The following KAT2B variants were observed in gnomAD, a reference collection of about 807,000 sequenced individuals.
KAT2B encodes histone acetyltransferase KAT2B.
A neutral mutation model predicts 105.9 loss-of-function variants in KAT2B; 36 were observed. That is an observed-to-expected ratio of 0.34 (90% CI 0.26 to 0.45). The LOEUF (loss-of-function observed/expected upper bound fraction) is 0.45, where lower values mean the gene tolerates loss of function less well. Among genes scored for constraint, KAT2B ranks in the 20% least tolerant of loss-of-function variants. KAT2B has a pLI of 1.00. For synonymous variants in KAT2B, 397 were observed against 377.9 expected (o/e 1.05, Z -0.59); for missense variants, 820 against 1,021.6 (o/e 0.80, Z 2.69).
chr3:20,102,470 T>G (rs1698927715), intron 5 of KAT2B, among the ~76,000 whole-genome samples: 1 of 152,258 alleles, frequency 6.6e-6, no homozygotes, highest in East Asian at 1.9e-4. Flanking sequence ...GTCTCTTCAC[T>G]TAATATCATA....
chr3:20,078,296 C>G (rs1485354897), intron 2 of KAT2B, among the ~76,000 whole-genome samples: 1 of 152,068 alleles, frequency 6.6e-6, no homozygotes, highest in African/African-American at 2.4e-5. Context: ...ATTTTGGAGT[C>G]CATTGTTCTG....
intron 1 of KAT2B, among the ~76,000 whole-genome samples, chr3:20,051,499 C>G (rs1439525512): frequency 2.0e-5 from 3 of 152,168 alleles, no homozygotes; most frequent in African/African-American, 7.2e-5. Flanking sequence ...CAGAACCATA[C>G]ATGTTGAGAG....
intron 8 of KAT2B, among the ~76,000 whole-genome samples, chr3:20,120,927 A>G (rs1490299093): frequency 6.6e-6 from 1 of 152,108 alleles, no homozygotes; most frequent in Non-Finnish European, 1.5e-5. Flanking sequence ...GGGAGATATC[A>G]CTAATTCATG....
chr3:20,104,882 G>GT (rs1419073499), intron 5 of KAT2B, among the ~76,000 whole-genome samples: 81 of 88,040 alleles, frequency 9.2e-4, no homozygotes, highest in Admixed American at 8.1e-4. Context: ...TTTTTTTGTT[G>GT]TTTTTTTGTT....
chr3:20,100,568 T>G (rs978540835), intron 4 of KAT2B, among the ~76,000 whole-genome samples: 3 of 152,196 alleles, frequency 2.0e-5, no homozygotes, highest in African/African-American at 7.2e-5. Flanking sequence ...CTGAATTTTT[T>G]GATGAGAATG....
intron 2 of KAT2B, among the ~76,000 whole-genome samples, chr3:20,084,106 C>T (rs1698571761): frequency 6.6e-6 from 1 of 152,180 alleles, no homozygotes; most frequent in Admixed American, 6.6e-5. Flanking sequence ...AGAGGGGCTA[C>T]ATTGGAGGGT....
chr3:20,062,254 A>AAATAT (rs1559514418), intron 1 of KAT2B, among the ~76,000 whole-genome samples: 2 of 61,410 alleles, frequency 3.3e-5, no homozygotes, highest in African/African-American at 8.3e-5. Flanking sequence ...TAATATATAA[A>AAATAT]ATATGATATA....
At chr3:20,055,064 C>A (rs1359781420) in intron 1 of KAT2B, among the ~76,000 whole-genome samples, 4 of 151,768 alleles carry the variant, frequency 2.6e-5, no homozygotes, top group Non-Finnish European at 4.4e-5. Flanking sequence ...GGGAGAGAGA[C>A]CCAGCCCAGA....
At chr3:20,113,960 T>C (rs919521134) in intron 6 of KAT2B, among the ~76,000 whole-genome samples, 1 of 152,208 alleles carries the variant, frequency 6.6e-6, no homozygotes, top group African/African-American at 2.4e-5. Context: ...AGACCACTGA[T>C]AGCTTCACCA....
intron 1 of KAT2B, among the ~76,000 whole-genome samples, chr3:20,062,121 C>CATATTATATATATTATATATAAA (rs1698127774): frequency 3.7e-5 from 2 of 54,090 alleles, no homozygotes; most frequent in East Asian, 8.1e-4. Context: ...TTATATAAAA[C>CATATTATATATATTATATATAAA]ATATATATAT....
chr3:20,106,969 ATATATATATG>A (rs1315980961), intron 5 of KAT2B, among the ~76,000 whole-genome samples: 194 of 15,358 alleles, frequency 0.013, 4 homozygotes, highest in East Asian at 0.082. Flanking sequence ...GTGTATATAT[ATATATATATG>A]TATATATATA....
At chr3:20,109,328 T>C (rs999507005) in intron 5 of KAT2B, among the ~76,000 whole-genome samples, 2 of 145,748 alleles carry the variant, frequency 1.4e-5, no homozygotes, top group African/African-American at 4.9e-5. Context: ...ATAGATAGCA[T>C]GTCAGTGTCT....
At chr3:20,075,785 A>G (rs1014742560) in intron 2 of KAT2B, among the ~76,000 whole-genome samples, 2 of 151,848 alleles carry the variant, frequency 1.3e-5, no homozygotes, top group Non-Finnish European at 2.9e-5. Flanking sequence ...TGGAAGCTTG[A>G]GCCTGTAATC....
intron 10 of KAT2B, among the ~76,000 whole-genome samples, chr3:20,126,999 A>G (rs1699417008): frequency 6.6e-6 from 1 of 152,138 alleles, no homozygotes; most frequent in Admixed American, 6.5e-5. Flanking sequence ...CAAATTGTAT[A>G]TGTAAATTTT....
At chr3:20,059,340 G>T (rs1253836883) in intron 1 of KAT2B, among the ~76,000 whole-genome samples, 2 of 150,534 alleles carry the variant, frequency 1.3e-5, no homozygotes, top group Non-Finnish European at 3.0e-5. Flanking sequence ...CTTGAACCTG[G>T]GAGGCGGAGG....
intron 5 of KAT2B, among the ~76,000 whole-genome samples, chr3:20,102,458 A>T (rs1445769479): frequency 6.6e-6 from 1 of 152,194 alleles, no homozygotes; most frequent in Non-Finnish European, 1.5e-5. Flanking sequence ...TGTAGCCTTT[A>T]TGTCTCTTCA....
intron 3 of KAT2B, among the ~76,000 whole-genome samples, chr3:20,096,035 G>T (rs1698802298): frequency 6.6e-6 from 1 of 152,118 alleles, no homozygotes. Flanking sequence ...GGGTATTTTA[G>T]GCCGTGCACT....
chr3:20,049,466 C>T (rs1016558155), intron 1 of KAT2B, among the ~76,000 whole-genome samples: 1 of 152,160 alleles, frequency 6.6e-6, no homozygotes, highest in Non-Finnish European at 1.5e-5. Context: ...GTGACTTCTT[C>T]AAGCTACAGT....
At chr3:20,054,050 G>A (rs566472075) in intron 1 of KAT2B, among the ~76,000 whole-genome samples, 27 of 152,208 alleles carry the variant, frequency 1.8e-4, no homozygotes, top group South Asian at 1.0e-3. Flanking sequence ...CATCCTCCTC[G>A]GCCTCCCAAA....
Sources: gnomAD v4.1 joint callset for allele counts (sites outside exome capture counted in the v4.1 genomes callset) on GRCh38, gnomAD v4.1.1 for gene constraint, MANE v1.5 for transcripts, NCBI Gene and HGNC (gene_info 2026-07-23, HGNC 2026-07-21) for gene names.